SLC2A10: variants seen among roughly 807,000 people sequenced by gnomAD.
SLC2A10 encodes solute carrier family 2, facilitated glucose transporter member 10.
Under a neutral mutation model 32.1 loss-of-function variants are expected in SLC2A10, and 25 were observed. That is an observed-to-expected ratio of 0.78 (90% confidence interval 0.57 to 1.09). The LOEUF (loss-of-function observed/expected upper bound fraction) is 1.09, where lower values mean the gene tolerates loss of function less well. Ranked by LOEUF, SLC2A10 falls within the 50% of genes least tolerant of loss-of-function variation. The probability of loss-of-function intolerance (pLI) is 0.00; values close to 1 mark genes in which losing one functional copy is unlikely to be tolerated. For missense variants in SLC2A10, 673 were observed against 686.5 expected (o/e 0.98, Z 0.22); for synonymous variants, 332 against 309.6 (o/e 1.07, Z -0.76).
chr20:46,709,484 G>C, upstream of SLC2A10: 15 of 449,444 alleles, frequency 3.3e-5, no homozygotes, highest in South Asian at 6.5e-4. Context: ...GACAGTGGGC[G>C]AGGGAGGGGG....
At chr20:46,709,646 T>A, upstream of SLC2A10, 1 of 1,475,898 alleles carries the variant, frequency 6.8e-7, no homozygotes, top group Non-Finnish European at 9.1e-7. Flanking sequence ...GGCCGGAAAG[T>A]TTGTCCGGCG....
rs74656218 is a variant in SLC2A10, at chr20:46,720,808, G to A, written c.5-4233G>A. Among the ~76,000 whole-genome samples, 61 of 152,270 alleles carry A rather than the reference G, an allele frequency of 4.0e-4. No homozygotes were observed. The East Asian group carries it at 0.011, about 27-fold the overall frequency. ...TCATTAATGTGTCAGGAGCCCTTTG[G>A]AAGAGACTGATCTAGTAACATTTCC... On this transcript the variant is annotated intron_variant, in intron 1 of 4. Transcript: ENST00000359271.
At chr20:46,727,199 G>A (rs1600669780) in intron 3 of SLC2A10, among the ~76,000 whole-genome samples, 1 of 152,192 alleles carries the variant, frequency 6.6e-6, no homozygotes, top group African/African-American at 2.4e-5. Flanking sequence ...CAGTACTGGT[G>A]AGAGGTCATC....
At position 46,726,248 on chromosome 20, in the gene SLC2A10, G is replaced by A. The variant is rs139155480; in HGVS notation, c.1212G>A (p.Gly404=). The change falls in exon 2 of 5, where the codon GGG becomes GGA. Residue 404 remains glycine, a synonymous_variant. Coordinates refer to ENST00000359271, the MANE Select transcript of SLC2A10 (RefSeq NM_030777.4). ...CTGGGCCCCCTCTGCCCGCTCGGGGGCATGCACTGCTGCGCTGGACCGCAC... is the reference window on the plus strand; with the variant it reads ...CTGGGCCCCCTCTGCCCGCTCGGGGACATGCACTGCTGCGCTGGACCGCAC... ...ALPGPPLPAR[G]HALLRWTALL... 6.2e-7 allele frequency: 1 copy of A among 1,613,636 alleles called. No homozygotes were observed. Among genetic ancestry groups the A allele is most frequent in the Non-Finnish European group, 8.5e-7 (1 of 1,180,042 alleles).
chr20:46,718,304 G>A (rs1162276895), intron 1 of SLC2A10, among the ~76,000 whole-genome samples: 1 of 151,930 alleles, frequency 6.6e-6, no homozygotes, highest in Non-Finnish European at 1.5e-5. Flanking sequence ...TGTGTTGTTT[G>A]GATTTCTGTC....
At chr20:46,718,443 A>G (rs1436079955) in intron 1 of SLC2A10, among the ~76,000 whole-genome samples, 1 of 152,108 alleles carries the variant, frequency 6.6e-6, no homozygotes, top group Non-Finnish European at 1.5e-5. Flanking sequence ...CTGTTTTCAT[A>G]TTCACTAATT....
Position 46,734,530 on chromosome 20 carries a change from C to A in SLC2A10, c.*696C>A, listed in dbSNP as rs1327028366. On this transcript the variant is annotated 3_prime_UTR_variant, in exon 5 of 5. Coordinates refer to ENST00000359271, the MANE Select transcript of SLC2A10 (RefSeq NM_030777.4). Reference sequence around the variant, plus strand: ...GCTCAAGTGATCCACCCACCTCAGCCTCCCAGAGTGCTAGGATTACAGGCC... The same window carrying A: ...GCTCAAGTGATCCACCCACCTCAGCATCCCAGAGTGCTAGGATTACAGGCC... 1 of 153,546 alleles carries A rather than the reference C, an allele frequency of 6.5e-6. No individual in the cohort carries two copies. Among genetic ancestry groups the A allele is most frequent in the African/African-American group, 2.4e-5 (1 of 41,470 alleles). 9.5% of individuals were successfully genotyped at this position (153,546 alleles called of 1,614,324 possible). A position where few individuals can be genotyped will look rare whatever the true frequency, so the allele number is the denominator to read the frequency against.
chr20:46,733,023 G>T (rs549627043), intron 4 of SLC2A10, among the ~76,000 whole-genome samples: 1 of 152,178 alleles, frequency 6.6e-6, no homozygotes, highest in Non-Finnish European at 1.5e-5. Context: ...GGCAGCCATG[G>T]TGAGAAGATG....
chr20:46,727,391 G>C (rs965456959), intron 3 of SLC2A10, among the ~76,000 whole-genome samples: 4 of 152,124 alleles, frequency 2.6e-5, no homozygotes, highest in Non-Finnish European at 5.9e-5. Context: ...CACAATCTCA[G>C]CTCACTGCAA....
chr20:46,723,239 A>T (rs902775419), intron 1 of SLC2A10, among the ~76,000 whole-genome samples: 3 of 152,184 alleles, frequency 2.0e-5, no homozygotes, highest in African/African-American at 7.2e-5. Context: ...AGCTCCAGTC[A>T]TCACACCTGC....
intron 1 of SLC2A10, among the ~76,000 whole-genome samples, chr20:46,720,149 C>T (rs1979471045): frequency 6.6e-6 from 1 of 152,158 alleles, no homozygotes; most frequent in South Asian, 2.1e-4. Context: ...ACTGAGAGAT[C>T]AGAAGTACCT....
chr20:46,717,306 T>C (rs1396523856), intron 1 of SLC2A10, among the ~76,000 whole-genome samples: 1 of 152,078 alleles, frequency 6.6e-6, no homozygotes, highest in Non-Finnish European at 1.5e-5. Context: ...GCACAGTAAA[T>C]AGAAGACAAA....
chr20:46,722,144 C>T (rs1233450967), intron 1 of SLC2A10, among the ~76,000 whole-genome samples: 1 of 151,584 alleles, frequency 6.6e-6, no homozygotes. Flanking sequence ...AAAAAAAAAC[C>T]AGATCTGGCA....
At chr20:46,719,174 G>A (rs376629631) in intron 1 of SLC2A10, among the ~76,000 whole-genome samples, 1 of 151,474 alleles carries the variant, frequency 6.6e-6, no homozygotes, top group Non-Finnish European at 1.5e-5. Context: ...GAATGAAAAA[G>A]CCATGGTTGG....
chr20:46,729,419 T>G lies in SLC2A10; in HGVS notation c.1478T>G (p.Ile493Ser). The G allele has an allele frequency of 6.2e-6, 10 of 1,614,046 alleles. No individual in the cohort carries two copies. Among genetic ancestry groups the G allele is most frequent in the Non-Finnish European group, 8.5e-6 (10 of 1,180,008 alleles). Reference sequence around the variant, plus strand: ...ACCGCTGTCCTCGGCCTGGGCTTCATCTATTTATTTGTTCCTGAAACAAAA... The same window carrying G: ...ACCGCTGTCCTCGGCCTGGGCTTCAGCTATTTATTTGTTCCTGAAACAAAA... ...GLTAVLGLGF[I>S]YLFVPETKGQ... The change falls in exon 4 of 5, where the codon ATC (isoleucine) becomes AGC (serine). Residue 493 changes from isoleucine (I) to serine (S), a missense_variant. By Grantham distance (142) the Ile-to-Ser change is moderately radical. Coordinates refer to ENST00000359271, the MANE Select transcript of SLC2A10 (RefSeq NM_030777.4).
intron 3 of SLC2A10, among the ~76,000 whole-genome samples, chr20:46,727,847 T>A (rs1447673246): frequency 6.6e-6 from 1 of 152,286 alleles, no homozygotes; most frequent in East Asian, 1.9e-4. Flanking sequence ...GCACAGTTCT[T>A]AGGGTTCAGT....
At chr20:46,732,469 G>C (rs761761847) in intron 4 of SLC2A10, among the ~76,000 whole-genome samples, 1 of 152,128 alleles carries the variant, frequency 6.6e-6, no homozygotes, top group African/African-American at 2.4e-5. Flanking sequence ...GTATAGGAGA[G>C]AGATAGACTA....
intron 4 of SLC2A10, among the ~76,000 whole-genome samples, chr20:46,731,797 C>A (rs1003626730): frequency 5.3e-5 from 8 of 152,098 alleles, no homozygotes; most frequent in African/African-American, 1.9e-4. Flanking sequence ...ACACAGGGAC[C>A]AGGGCATGTC....
upstream of SLC2A10, among the ~76,000 whole-genome samples, chr20:46,708,699 C>T (rs1192003376): frequency 6.6e-6 from 1 of 152,194 alleles, no homozygotes; most frequent in Non-Finnish European, 1.5e-5. Context: ...AGTTAGAACT[C>T]CCCAGTTATC....
Sources: allele counts gnomAD v4.1 joint callset (sites outside exome capture counted in the v4.1 genomes callset), GRCh38; gene constraint gnomAD v4.1.1; transcripts MANE v1.5; gene names NCBI Gene and HGNC (gene_info 2026-07-23, HGNC 2026-07-21).